The following GPC5 variants were observed in gnomAD, a reference collection of about 807,000 sequenced individuals.
GPC5 encodes glypican-5.
Under a neutral mutation model 53.9 loss-of-function variants are expected in GPC5, and 47 were observed. The ratio of observed to expected loss-of-function variants is 0.87; its 90% CI spans 0.69 to 1.11. The LOEUF (loss-of-function observed/expected upper bound fraction) is 1.11, where lower values mean the gene tolerates loss of function less well. Ranked by LOEUF, GPC5 falls within the 50% of genes most tolerant of loss-of-function variation. GPC5 has a pLI of 0.00. For missense variants in GPC5, 748 were observed against 713.1 expected (o/e 1.05, Z -0.56); for synonymous variants, 286 against 263.3 (o/e 1.09, Z -0.84).
chr13:91,438,998 A>T (rs971792641), intron 1 of GPC5, among the ~76,000 whole-genome samples: 7 of 152,194 alleles, frequency 4.6e-5, no homozygotes, highest in African/African-American at 1.7e-4. Flanking sequence ...CTGTTTGCTC[A>T]GTAGGAAATG....
At chr13:91,466,206 G>C (rs74105203) in intron 2 of GPC5, among the ~76,000 whole-genome samples, 3,946 of 152,272 alleles carry the variant, frequency 0.026, 174 homozygotes, top group African/African-American at 0.091. Context: ...AGCAGGCAAA[G>C]AGCCAGAAAA....
At chr13:92,327,097 G>C (rs1034116203) in intron 7 of GPC5, among the ~76,000 whole-genome samples, 4 of 152,058 alleles carry the variant, frequency 2.6e-5, no homozygotes, top group African/African-American at 7.2e-5. Flanking sequence ...AGGGAAAAAT[G>C]GTCTCTTTAC....
intron 3 of GPC5, among the ~76,000 whole-genome samples, chr13:91,708,933 TA>T (rs999379011): frequency 1.3e-5 from 2 of 152,068 alleles, no homozygotes; most frequent in African/African-American, 2.4e-5. Context: ...GTCCTTCAGA[TA>T]AAAAAAAGTT....
In GPC5 at chr13:91,750,609, G is replaced by A. The variant is rs113959532; in HGVS notation, c.1155-5686G>A. On this transcript the variant is annotated intron_variant, in intron 4 of 7. Transcript: ENST00000377067. ...GTGTGCTAGCTTGAGCATTGAGCTG[G>A]CAACTGAGATTTGAATTCTGATAAT... Among the ~76,000 whole-genome samples the A allele has an allele frequency of 5.8e-3, 880 of 151,360 alleles. 11 individuals are homozygous for A. The highest frequency in any genetic ancestry group is 0.02 in the African/African-American group (831 of 41,180).
At chr13:92,529,788 A>G (rs368609578) in intron 7 of GPC5, among the ~76,000 whole-genome samples, 10 of 152,256 alleles carry the variant, frequency 6.6e-5, no homozygotes, top group African/African-American at 2.4e-4. Context: ...AATTAACAAC[A>G]CGTTATAAAT....
chr13:91,580,840 C>A (rs367967086), intron 2 of GPC5, among the ~76,000 whole-genome samples: 13 of 152,114 alleles, frequency 8.5e-5, no homozygotes, highest in Admixed American at 3.3e-4. Flanking sequence ...TGTATTAGTC[C>A]ATTTTCACAC....
chr13:91,809,037 CTG>C (rs1243687328), intron 5 of GPC5, among the ~76,000 whole-genome samples: 1 of 152,100 alleles, frequency 6.6e-6, no homozygotes, highest in Non-Finnish European at 1.5e-5. Context: ...ACAATACACA[CTG>C]TATAACTTGA....
At chr13:91,919,843 CT>C (rs909445869) in intron 6 of GPC5, among the ~76,000 whole-genome samples, 4 of 152,160 alleles carry the variant, frequency 2.6e-5, no homozygotes, top group African/African-American at 9.7e-5. Context: ...ACATACCGGC[CT>C]GCCTATTTTC....
intron 7 of GPC5, among the ~76,000 whole-genome samples, chr13:92,682,275 T>C (rs1806583233): frequency 6.6e-6 from 1 of 152,218 alleles, no homozygotes; most frequent in African/African-American, 2.4e-5. Context: ...CAGTGTCTTC[T>C]GGGAGCAACA....
chr13:92,382,566 T>G (rs548373443), intron 7 of GPC5, among the ~76,000 whole-genome samples: 3 of 32,936 alleles, frequency 9.1e-5, no homozygotes, highest in Non-Finnish European at 2.0e-4. Flanking sequence ...CTTCTTTGAC[T>G]GAAGTTGTTC....
chr13:92,080,307 AC>A (rs1221197385), intron 6 of GPC5, among the ~76,000 whole-genome samples: 1 of 152,044 alleles, frequency 6.6e-6, no homozygotes, highest in Non-Finnish European at 1.5e-5. Context: ...AACAATTCCT[AC>A]CTGAGTGCTG....
intron 7 of GPC5, among the ~76,000 whole-genome samples, chr13:92,638,600 T>C (rs919728548): frequency 1.3e-5 from 2 of 152,216 alleles, no homozygotes; most frequent in Non-Finnish European, 2.9e-5. Flanking sequence ...CTCTCTAAGC[T>C]CTACAGAAGT....
intron 7 of GPC5, among the ~76,000 whole-genome samples, chr13:92,268,278 A>G (rs1407055061): frequency 6.6e-6 from 1 of 151,928 alleles, no homozygotes; most frequent in African/African-American, 2.4e-5. Flanking sequence ...AAATATTACT[A>G]TTTTCATTTT....
intron 7 of GPC5, among the ~76,000 whole-genome samples, chr13:92,546,226 G>A (rs1882105001): frequency 1.3e-5 from 2 of 152,138 alleles, no homozygotes; most frequent in African/African-American, 4.8e-5. Flanking sequence ...AAGTCAAATT[G>A]TCCGCATTTG....
intron 7 of GPC5, among the ~76,000 whole-genome samples, chr13:92,184,299 C>G (rs965272693): frequency 6.6e-6 from 1 of 152,062 alleles, no homozygotes; most frequent in African/African-American, 2.4e-5. Context: ...AAGACCTAAC[C>G]TCCTTCAAAA....
intron 7 of GPC5, among the ~76,000 whole-genome samples, chr13:92,476,651 C>T (rs1425572869): frequency 3.4e-5 from 5 of 148,826 alleles, no homozygotes; most frequent in Non-Finnish European, 5.9e-5. Context: ...ACCCAAATGT[C>T]CAACAATGAT....
At chr13:91,548,922 G>T (rs1397528959) in intron 2 of GPC5, among the ~76,000 whole-genome samples, 3 of 152,114 alleles carry the variant, frequency 2.0e-5, no homozygotes, top group Non-Finnish European at 4.4e-5. Context: ...TCTAGAAACA[G>T]ATCTTACATC....
At chr13:92,591,779 G>A (rs976766007) in intron 7 of GPC5, among the ~76,000 whole-genome samples, 2 of 151,890 alleles carry the variant, frequency 1.3e-5, no homozygotes, top group Non-Finnish European at 1.5e-5. Flanking sequence ...ATTGGTAACC[G>A]CCATTCTACT....
chr13:91,444,796 C>T (rs1880671878), intron 1 of GPC5, among the ~76,000 whole-genome samples: 2 of 152,132 alleles, frequency 1.3e-5, no homozygotes, highest in African/African-American at 4.8e-5. Flanking sequence ...TCTTTTCTAT[C>T]ATGGGTCGAT....
Sources: gnomAD v4.1 joint callset for allele counts (sites outside exome capture counted in the v4.1 genomes callset) on GRCh38, gnomAD v4.1.1 for gene constraint, MANE v1.5 for transcripts, NCBI Gene and HGNC (gene_info 2026-07-23, HGNC 2026-07-21) for gene names.